Variants in GTF2A1L observed in about 807,000 individuals in gnomAD.
The protein encoded by GTF2A1L is general transcription factor IIA subunit 1 like, also known as TFIIA-alpha and beta-like factor.
A neutral mutation model predicts 49.7 loss-of-function variants in GTF2A1L; 48 were observed. The observed-to-expected ratio is 0.97, with a 90% CI of 0.77 to 1.23. The LOEUF (loss-of-function observed/expected upper bound fraction) is 1.23, where lower values mean the gene tolerates loss of function less well. Ranked by LOEUF, GTF2A1L falls within the 50% of genes most tolerant of loss-of-function variation. GTF2A1L has a pLI of 0.00. For missense variants in GTF2A1L, 736 were observed against 564.8 expected (o/e 1.30, Z -3.07); for synonymous variants, 246 against 193.5 (o/e 1.27, Z -2.25).
At chr2:48,621,545 A>G (rs1289309786) in intron 3 of GTF2A1L, among the ~76,000 whole-genome samples, 1 of 152,266 alleles carries the variant, frequency 6.6e-6, no homozygotes, top group Non-Finnish European at 1.5e-5. Flanking sequence ...GAGGAAAGTC[A>G]CATAGTTTGT....
intron 6 of GTF2A1L, among the ~76,000 whole-genome samples, chr2:48,665,813 G>A (rs1160717475): frequency 6.6e-6 from 1 of 151,978 alleles, no homozygotes; most frequent in Non-Finnish European, 1.5e-5. Context: ...ATATTAATTA[G>A]GTTAAGTTGG....
chr2:48,669,728 A>C lies in GTF2A1L; in HGVS notation c.985A>C (p.Asn329His). The stretch of plus-strand genomic sequence containing the variant: ...TATTTCTTTCTCTTTTTAGGATTCT[A>C]ATTCTCAGGTGGATTTAAGCATTCG... ...SNIPVSEKDSNSQVDLSIRVT... is the reference protein window; with the variant it reads ...SNIPVSEKDSHSQVDLSIRVT... The change falls in exon 7 of 9, where the codon AAT becomes CAT. Residue 329 changes from asparagine (N) to histidine (H), a missense_variant. Transcript: ENST00000403751. 1 of 1,606,616 alleles carries C rather than the reference A, an allele frequency of 6.2e-7. No homozygotes were observed. Among genetic ancestry groups the C allele is most frequent in the Non-Finnish European group, 8.5e-7 (1 of 1,174,916 alleles).
rs1572752725 is a variant in GTF2A1L at position 48,657,860 on chromosome 2, G to A, written c.978+10818G>A. Reference sequence around the variant, plus strand: ...TTGTATTTCTCTGATGATTAGTGATGTGGAACATTTTTTCATATGTTTGTT... The same window carrying A: ...TTGTATTTCTCTGATGATTAGTGATATGGAACATTTTTTCATATGTTTGTT... On this transcript the variant is annotated intron_variant, in intron 6 of 8. Transcript: ENST00000403751. 2.0e-5 allele frequency among the ~76,000 whole-genome samples: 3 copies of A among 151,912 alleles called. No homozygotes were observed. The East Asian group carries it at 5.8e-4, about 29-fold the overall frequency.
chr2:48,654,642 T>G (rs958893524), intron 6 of GTF2A1L, among the ~76,000 whole-genome samples: 1 of 152,088 alleles, frequency 6.6e-6, no homozygotes, highest in Non-Finnish European at 1.5e-5. Context: ...CCTCAGCCTC[T>G]CAAAGTGCTG....
rs200365879 is a variant in GTF2A1L at position 48,665,276 on chromosome 2, TTC to T, written c.979-4436_979-4435del. On this transcript the variant is annotated intron_variant, in intron 6 of 8. Coordinates refer to ENST00000403751, the MANE Select transcript of GTF2A1L (RefSeq NM_006872.5). Reference sequence around the variant, plus strand: ...AGAATGGACTTTTGACCTTACTGATTTCTCTCTCTCTTTTTTTTTTTTTTTGG... The same window carrying T: ...AGAATGGACTTTTGACCTTACTGATTTCTCTCTCTTTTTTTTTTTTTTTGG... 6.5e-3 allele frequency among the ~76,000 whole-genome samples: 964 copies of T among 149,162 alleles called. 15 individuals carry two copies. Among genetic ancestry groups the T allele is most frequent in the African/African-American group, 0.022 (899 of 40,066 alleles).
intron 7 of GTF2A1L, among the ~76,000 whole-genome samples, chr2:48,670,802 A>G (rs56038740): frequency 0.14 from 20,483 of 146,874 alleles, 1,708 homozygotes; most frequent in African/African-American, 0.25. Context: ...TCTTGTAATT[A>G]TTAAATGGCC....
chr2:48,672,647 G>A (rs1432323538), intron 8 of GTF2A1L, among the ~76,000 whole-genome samples: 1 of 152,128 alleles, frequency 6.6e-6, no homozygotes. Flanking sequence ...GATTATGTTA[G>A]TAGCAGTCTA....
At chr2:48,648,062 A>G (rs549210962) in intron 6 of GTF2A1L, among the ~76,000 whole-genome samples, 1 of 152,108 alleles carries the variant, frequency 6.6e-6, no homozygotes, top group African/African-American at 2.4e-5. Flanking sequence ...AGGGAAAGAC[A>G]TAGGGCATAG....
chr2:48,617,951 G>C, intron 1 of GTF2A1L, 56 bp downstream of exon 1: 1 of 1,522,028 alleles, frequency 6.6e-7, no homozygotes, highest in Non-Finnish European at 8.9e-7. Context: ...CCGGGTTCAC[G>C]GCAGCCGAAC....
At chr2:48,632,081 T>C (rs1676609147) in intron 3 of GTF2A1L, among the ~76,000 whole-genome samples, 6 of 152,218 alleles carry the variant, frequency 3.9e-5, no homozygotes, top group Admixed American at 3.9e-4. Flanking sequence ...ACTACTTCTG[T>C]TGTAGGTGAT....
At position 48,620,779 on chromosome 2, in the gene GTF2A1L, GAATAAATA is replaced by G. The variant is rs4034706; in HGVS notation, c.22-37_22-30del. Reference sequence around the variant, plus strand: ...GCAACAGAGCATGACTCCATCTCAAGAATAAATAAATAAATAAATAAATAAATAAATAA... The same window carrying G: ...GCAACAGAGCATGACTCCATCTCAAGAATAAATAAATAAATAAATAAATAA... On this transcript the variant is annotated intron_variant, in intron 1 of 8. Transcript: ENST00000403751. 957 of 608,266 alleles carry G rather than the reference GAATAAATA, an allele frequency of 1.6e-3. 3 individuals are homozygous for G. Among genetic ancestry groups the G allele is most frequent in the South Asian group, 3.6e-3 (52 of 14,398 alleles). The allele number at this position is 608,266 out of a possible 1,614,324, so 37.7% of individuals were successfully genotyped here. A position where few individuals can be genotyped will look rare whatever the true frequency, so the allele number is the denominator to read the frequency against.
intron 3 of GTF2A1L, among the ~76,000 whole-genome samples, chr2:48,624,296 A>G (rs1676181104): frequency 6.9e-6 from 1 of 144,758 alleles, no homozygotes; most frequent in South Asian, 2.3e-4. Flanking sequence ...ACATAATAGC[A>G]TATATTTATG....
intron 8 of GTF2A1L, among the ~76,000 whole-genome samples, chr2:48,677,026 T>G (rs1263572539): frequency 6.6e-6 from 1 of 151,918 alleles, no homozygotes; most frequent in Non-Finnish European, 1.5e-5. Context: ...CTACTGCATT[T>G]CTAAATGTAT....
At chr2:48,668,201 T>C (rs1678953602) in intron 6 of GTF2A1L, among the ~76,000 whole-genome samples, 1 of 152,206 alleles carries the variant, frequency 6.6e-6, no homozygotes, top group Admixed American at 6.5e-5. Context: ...TTTCTGATTG[T>C]AAAGGATGGA....
chr2:48,640,358 C>A (rs902779104), intron 3 of GTF2A1L, among the ~76,000 whole-genome samples: 1 of 152,062 alleles, frequency 6.6e-6, no homozygotes, highest in Non-Finnish European at 1.5e-5. Flanking sequence ...TACTATGCAG[C>A]CATAAAAAAG....
In GTF2A1L at chr2:48,646,921, C is replaced by A. The variant is rs34078123; in HGVS notation, c.857C>A (p.Ala286Asp). Residue 286 changes from alanine (A) to aspartate (D), a missense_variant, in exon 6 of 9, where the codon GCT becomes GAT. Physicochemically the swap from Ala to Asp is moderately radical, Grantham distance 126. Coordinates refer to ENST00000403751, the MANE Select transcript of GTF2A1L (RefSeq NM_006872.5). ...TCCCTCTCCACAAGCCCTCATGGGG[C>A]TCTCCACCAGCACGTGACTGATATT... Reference protein sequence around the residue: ...DESLSTSPHGALHQHVTDIQL... With the variant: ...DESLSTSPHGDLHQHVTDIQL... 6.2e-7 allele frequency: 1 copy of A among 1,614,174 alleles called. No homozygotes were observed. The highest frequency in any genetic ancestry group is 1.3e-5 in the African/African-American group (1 of 75,042).
At chr2:48,669,637 G>A (rs2104302523) in intron 6 of GTF2A1L, 85 bp from the exon 7 acceptor site, 1 of 1,484,300 alleles carries the variant, frequency 6.7e-7, no homozygotes, top group Admixed American at 2.2e-5. Flanking sequence ...ACCATTTGTG[G>A]AATGTTTGTT....
intron 3 of GTF2A1L, among the ~76,000 whole-genome samples, chr2:48,631,433 G>T (rs1029630190): frequency 6.6e-6 from 1 of 152,108 alleles, no homozygotes. Flanking sequence ...AATAGTATCT[G>T]AGGATCTTTT....
chr2:48,663,402 T>C (rs896773062), intron 6 of GTF2A1L, among the ~76,000 whole-genome samples: 4 of 152,090 alleles, frequency 2.6e-5, no homozygotes, highest in Non-Finnish European at 5.9e-5. Flanking sequence ...GACCACTGCA[T>C]TTAAGCCGGG....
Sources: gnomAD v4.1 joint callset for allele counts (sites outside exome capture counted in the v4.1 genomes callset) on GRCh38, gnomAD v4.1.1 for gene constraint, MANE v1.5 for transcripts, NCBI Gene and HGNC (gene_info 2026-07-23, HGNC 2026-07-21) for gene names.